The following PSMG2 variants were observed in gnomAD, a reference collection of about 807,000 sequenced individuals.
The protein encoded by PSMG2 is proteasome assembly chaperone 2, also known as CD40 ligand-activated specific transcript 3.
A neutral mutation model predicts 31.5 loss-of-function variants in PSMG2; 21 were observed. That is an observed-to-expected ratio of 0.67 (90% confidence interval 0.47 to 0.96). The LOEUF is 0.96. Ranked by LOEUF, PSMG2 falls within the 40% of genes least tolerant of loss-of-function variation. The pLI is 0.00. For synonymous variants in PSMG2, 120 were observed against 110.4 expected (o/e 1.09, Z -0.54); for missense variants, 318 against 321.2 (o/e 0.99, Z 0.08).
At chr18:12,697,441 A>G (rs1159863370) in intron 1 of PSMG2, 4 of 1,438,282 alleles carry the variant, frequency 2.8e-6, no homozygotes, top group African/African-American at 1.4e-5. Flanking sequence ...ATTATACCAC[A>G]CTACATATTC....
intron 5 of PSMG2, among the ~76,000 whole-genome samples, chr18:12,721,152 C>G (rs1568045740): frequency 6.6e-6 from 1 of 152,062 alleles, no homozygotes; most frequent in Non-Finnish European, 1.5e-5. Context: ...TGCACTCCAG[C>G]CTGGGAGACA....
chr18:12,700,926 A>G, upstream of PSMG2: 1 of 1,534,708 alleles, frequency 6.5e-7, no homozygotes, highest in Non-Finnish European at 9.0e-7. Context: ...ATACATATAT[A>G]CTCTCATTTA....
At chr18:12,664,563 T>A (rs1422966460) in intron 1 of PSMG2, among the ~76,000 whole-genome samples, 4 of 151,326 alleles carry the variant, frequency 2.6e-5, no homozygotes, top group East Asian at 1.9e-4. Context: ...AAAAACAAAA[T>A]TTGTAGAGAA....
chr18:12,699,016 A>G (rs2040058176), upstream of PSMG2: 3 of 1,613,784 alleles, frequency 1.9e-6, no homozygotes, highest in African/African-American at 1.3e-5. Flanking sequence ...AAAAGCCATC[A>G]TGAAAATCTG....
At chr18:12,701,135 C>A, upstream of PSMG2, 2 of 1,585,180 alleles carry the variant, frequency 1.3e-6, no homozygotes, top group Non-Finnish European at 1.7e-6. Flanking sequence ...ACTCATATTA[C>A]AATTTATAAC....
upstream of PSMG2, chr18:12,702,344 C>T (rs2040188518): frequency 9.3e-6 from 6 of 642,356 alleles, no homozygotes; most frequent in South Asian, 3.5e-5. Context: ...AAACTCAAAG[C>T]TCTGCCTACT....
chr18:12,674,232 T>C (rs2039037931), intron 1 of PSMG2, among the ~76,000 whole-genome samples: 1 of 151,226 alleles, frequency 6.6e-6, no homozygotes, highest in African/African-American at 2.4e-5. Context: ...AGCCCAGGAG[T>C]TCAAGACCAG....
At chr18:12,674,490 G>T in intron 1 of PSMG2, 13 of 1,352,072 alleles carry the variant, frequency 9.6e-6, no homozygotes, top group African/African-American at 1.4e-5. Flanking sequence ...GGACTGATCT[G>T]TAAGACTCCT....
intron 1 of PSMG2, chr18:12,695,126 C>A: frequency 2.2e-6 from 1 of 452,982 alleles, no homozygotes; most frequent in Non-Finnish European, 4.0e-6. Flanking sequence ...TTTTGTGAAC[C>A]TTTGAGTGCT....
At chr18:12,679,710 A>G (rs1234359692) in intron 1 of PSMG2, among the ~76,000 whole-genome samples, 3 of 152,206 alleles carry the variant, frequency 2.0e-5, no homozygotes, top group African/African-American at 7.2e-5. Flanking sequence ...CAAATTTTAA[A>G]AAGAAATCAT....
chr18:12,691,643 TTACCCCTAGTACAA>T (rs2039766881), intron 1 of PSMG2, among the ~76,000 whole-genome samples: 1 of 152,128 alleles, frequency 6.6e-6, no homozygotes, highest in Non-Finnish European at 1.5e-5. Flanking sequence ...ATTTCTACAC[TTACCCCTAGTACAA>T]TCCCATCTCC....
intron 1 of PSMG2, 109 bp from the exon 2 acceptor site, chr18:12,706,441 C>A (rs958253722): frequency 6.1e-6 from 7 of 1,156,746 alleles, no homozygotes; most frequent in Non-Finnish European, 8.8e-6. Flanking sequence ...GAGCCAAGAT[C>A]ACGCCACTGT....
At chr18:12,700,906 G>C, upstream of PSMG2, 1 of 1,415,384 alleles carries the variant, frequency 7.1e-7, no homozygotes, top group South Asian at 1.3e-5. Context: ...GTAGTGTTAC[G>C]CATTAGTATA....
upstream of PSMG2, chr18:12,700,944 A>C: frequency 6.2e-7 from 1 of 1,603,852 alleles, no homozygotes; most frequent in Non-Finnish European, 8.5e-7. Context: ...TTATTTCCCT[A>C]AAAGATTACT....
intron 1 of PSMG2, chr18:12,686,057 A>T (rs2145044416): frequency 2.2e-6 from 1 of 446,446 alleles, no homozygotes; most frequent in African/African-American, 2.0e-5. Flanking sequence ...ACCATTTTTT[A>T]ATTTGTACTA....
At chr18:12,700,453 C>T (rs1598668882), upstream of PSMG2, 1 of 152,928 alleles carries the variant, frequency 6.5e-6, no homozygotes, top group African/African-American at 2.4e-5. Flanking sequence ...TGAAGGCCTA[C>T]TTACTAATTG....
intron 1 of PSMG2, among the ~76,000 whole-genome samples, chr18:12,667,186 C>A (rs1271381354): frequency 6.6e-6 from 1 of 152,126 alleles, no homozygotes; most frequent in African/African-American, 2.4e-5. Context: ...TTGGGCTGGG[C>A]ATGGTGGCTC....
chr18:12,672,513 T>C (rs8087452), intron 1 of PSMG2: 234,056 of 236,386 alleles, frequency 0.99, 115,914 homozygotes, highest in Middle Eastern at 1. Context: ...ATCAATCTCT[T>C]ATTTAGATTA....
rs1259960536 is a variant in PSMG2, at chr18:12,687,454, A to ATT, written c.-36-19078_-36-19077dup. ...TAGTTCTCAACTATAGAAGGCATCA[A>ATT]TTTTTTTTTTTTTTTTTTTGAGACA... On this transcript the variant is annotated intron_variant, in intron 1 of 6. Transcript: ENST00000585331. Among the ~76,000 whole-genome samples, 750 of 140,716 alleles carry ATT rather than the reference A, an allele frequency of 5.3e-3. 10 individuals carry two copies. Among genetic ancestry groups the ATT allele is most frequent in the African/African-American group, 0.018 (689 of 38,448 alleles). The allele number at this position is 140,716 out of a possible 152,430, so 92.3% of individuals were successfully genotyped here.
Sources: gnomAD v4.1 joint callset for allele counts (sites outside exome capture counted in the v4.1 genomes callset) on GRCh38, gnomAD v4.1.1 for gene constraint, MANE v1.5 for transcripts, NCBI Gene and HGNC (gene_info 2026-07-23, HGNC 2026-07-21) for gene names.